The following GPAM variants were observed in gnomAD, a reference collection of about 807,000 sequenced individuals.
The protein encoded by GPAM is glycerol-3-phosphate acyltransferase, mitochondrial, also known as glycerol-3-phosphate acyltransferase 1, mitochondrial.
A neutral mutation model predicts 105.0 loss-of-function variants in GPAM; 56 were observed. That is an observed-to-expected ratio of 0.53 (90% CI 0.43 to 0.67). The LOEUF is 0.67. Ranked by LOEUF, GPAM falls within the 30% of genes least tolerant of loss-of-function variation. The pLI is 0.00. For synonymous variants in GPAM, 368 were observed against 354.4 expected (o/e 1.04, Z -0.43); for missense variants, 855 against 989.8 (o/e 0.86, Z 1.83).
In GPAM at chr10:112,156,059, T is replaced by C. The variant is rs1167968578; in HGVS notation, c.2122-6A>G. 6.2e-7 allele frequency: 1 copy of C among 1,605,782 alleles called. No homozygotes were observed. Among genetic ancestry groups the C allele is most frequent in the Non-Finnish European group, 8.5e-7 (1 of 1,173,482 alleles). ...TGCTCCTTGGATTGGCTCACCTGAG[T>C]GTGCAAAAGCAGGAGATGAAGTCAT... On this transcript the variant is annotated splice_polypyrimidine_tract_variant and splice_region_variant and intron_variant, in intron 19 of 21. Transcript: ENST00000348367.
chr10:112,215,044 T>C (rs1847953408), intron 1 of GPAM: 1 of 152,290 alleles, frequency 6.6e-6, no homozygotes, highest in Admixed American at 6.5e-5. Context: ...TTTGACTTTC[T>C]TCTTCCTACT....
At chr10:112,213,944 C>A (rs959662042) in intron 1 of GPAM, among the ~76,000 whole-genome samples, 4 of 152,186 alleles carry the variant, frequency 2.6e-5, no homozygotes, top group African/African-American at 4.8e-5. Flanking sequence ...CTGGGCTTGT[C>A]CTCCACCTCT....
chr10:112,221,523 G>A, the GPAM span, among the ~76,000 whole-genome samples: 1 of 152,190 alleles, frequency 6.6e-6, no homozygotes, highest in Non-Finnish European at 1.5e-5. Flanking sequence ...AAGTAATTAT[G>A]ATGCCCACTC....
At chr10:112,197,159 G>A (rs1415258497) in intron 1 of GPAM, among the ~76,000 whole-genome samples, 1 of 152,052 alleles carries the variant, frequency 6.6e-6, no homozygotes, top group Non-Finnish European at 1.5e-5. Context: ...TATAATCTAG[G>A]TAAAGAATGA....
At position 112,212,812 on chromosome 10, in the gene GPAM, C is replaced by G. The variant is rs1847927074; in HGVS notation, n.210+2356G>C. On this transcript the variant is annotated intron_variant and non_coding_transcript_variant, in intron 1 of 3. Transcript: ENST00000480130. The stretch of plus-strand genomic sequence containing the variant: ...TCATAAGGAGGAAATATGAGATCAG[C>G]CAGGGCAAAGCACTCAGCACAGTGC... Among the ~76,000 whole-genome samples, 3 of 152,178 alleles carry G rather than the reference C, an allele frequency of 2.0e-5. No homozygotes were observed. In the South Asian group the frequency reaches 6.2e-4, roughly 32 times the overall value.
At position 112,175,608 on chromosome 10, in the gene GPAM, G is replaced by A; in HGVS notation, c.405C>T (p.Asn135=). The A allele has an allele frequency of 6.3e-7, 1 of 1,581,676 alleles. No individual in the cohort carries two copies. Among genetic ancestry groups the A allele is most frequent in the Non-Finnish European group, 8.7e-7 (1 of 1,150,438 alleles). The stretch of plus-strand genomic sequence containing the variant: ...CCTTGCCCCGCCCTTACCTACTGCT[G>A]TTCAGCACATTTTCAGTCACATTGG... The part of the protein sequence containing the change: ...FATNVTENVL[N]SSRVQEAIAE... Residue 135 remains asparagine, a synonymous_variant, in exon 6 of 22, where the codon AAC becomes AAT. Coordinates refer to ENST00000348367, the MANE Select transcript of GPAM (RefSeq NM_001244949.2).
intron 13 of GPAM, 40 bp from the exon 14 acceptor site, chr10:112,163,856 T>C (rs757557275): frequency 3.0e-5 from 27 of 889,930 alleles, no homozygotes; most frequent in African/African-American, 1.8e-4. Flanking sequence ...ACCGCACTCT[T>C]TTACAAGGCA....
At chr10:112,158,505 T>C in intron 17 of GPAM, 112 bp from the exon 18 acceptor site, 2 of 723,602 alleles carry the variant, frequency 2.8e-6, no homozygotes, top group Non-Finnish European at 2.5e-6. Context: ...GTTACCTCCA[T>C]CACCCCACTG....
chr10:112,154,943 A>G (rs1171663800), intron 20 of GPAM: 4 of 558,378 alleles, frequency 7.2e-6, no homozygotes, highest in Non-Finnish European at 9.6e-6. Flanking sequence ...GAGGGTGTAG[A>G]GAGAGAAATA....
chr10:112,208,429 G>A (rs1847874442), intron 1 of GPAM, among the ~76,000 whole-genome samples: 1 of 152,172 alleles, frequency 6.6e-6, no homozygotes, highest in South Asian at 2.1e-4. Flanking sequence ...CCAGAAAGTG[G>A]ATACTTGAGG....
At chr10:112,203,271 G>A (rs773464691) in intron 1 of GPAM, among the ~76,000 whole-genome samples, 20 of 152,192 alleles carry the variant, frequency 1.3e-4, no homozygotes, top group Admixed American at 3.3e-4. Context: ...TGAAGAAAGA[G>A]TCCCTCTAAA....
At chr10:112,199,320 T>G (rs1007137954) in intron 1 of GPAM, among the ~76,000 whole-genome samples, 5 of 152,084 alleles carry the variant, frequency 3.3e-5, no homozygotes, top group African/African-American at 1.2e-4. Context: ...ATGCATAATC[T>G]CACTTATATG....
At chr10:112,170,819 C>CT (rs1486883067) in intron 9 of GPAM, among the ~76,000 whole-genome samples, 1 of 152,204 alleles carries the variant, frequency 6.6e-6, no homozygotes, top group Non-Finnish European at 1.5e-5. Context: ...ATATTTTGTT[C>CT]TCTCTTGTCT....
At chr10:112,157,963 T>C (rs1208690158) in intron 18 of GPAM, among the ~76,000 whole-genome samples, 2 of 152,222 alleles carry the variant, frequency 1.3e-5, no homozygotes, top group East Asian at 1.9e-4. Flanking sequence ...TTTATGAGAC[T>C]GAGTCTCACT....
upstream of GPAM, among the ~76,000 whole-genome samples, chr10:112,218,637 T>C (rs993854681): frequency 1.3e-5 from 2 of 152,204 alleles, no homozygotes; most frequent in African/African-American, 4.8e-5. Flanking sequence ...AGCTACTCCA[T>C]AGACAGAGCA....
chr10:112,157,306 A>C lies in GPAM; in HGVS notation c.2064T>G (p.Ser688Arg), dbSNP rs1847034680. 1.2e-6 allele frequency: 2 copies of C among 1,613,434 alleles called. No individual in the cohort carries two copies. The highest frequency in any genetic ancestry group is 1.7e-6 in the Non-Finnish European group (2 of 1,179,520). ...AGTCACTGTCTTCATCTTCTTCATC[A>C]CTTCTCCAAGACAAAGGTTCTGGAA... ...KKLPEPLSWR[S>R]DEEDEDSDFG... Residue 688 changes from serine (S) to arginine (R), a missense_variant, in exon 19 of 22, where the codon AGT becomes AGG. Transcript: ENST00000348367.
chr10:112,221,390 AGTGTG>A, the GPAM span, among the ~76,000 whole-genome samples: 110 of 152,302 alleles, frequency 7.2e-4, no homozygotes, highest in African/African-American at 2.5e-3. Context: ...GAGTCATCAA[AGTGTG>A]GTGGGAGGAC....
At chr10:112,158,517 G>A in intron 17 of GPAM, 124 bp from the exon 18 acceptor site, 1 of 702,648 alleles carries the variant, frequency 1.4e-6, no homozygotes, top group African/African-American at 1.8e-5. Flanking sequence ...ACCCCACTGA[G>A]CAAGTCCTGT....
chr10:112,198,449 A>G (rs556498669), intron 1 of GPAM, among the ~76,000 whole-genome samples: 2 of 152,334 alleles, frequency 1.3e-5, no homozygotes, highest in Non-Finnish European at 2.9e-5. Context: ...ATCTGGGAAC[A>G]GTTCGATTAT....
Sources: allele counts gnomAD v4.1 joint callset (sites outside exome capture counted in the v4.1 genomes callset), GRCh38; gene constraint gnomAD v4.1.1; transcripts MANE v1.5; gene names NCBI Gene and HGNC (gene_info 2026-07-23, HGNC 2026-07-21).